The following SLC4A4 variants were observed in gnomAD, a reference collection of about 807,000 sequenced individuals.
The protein encoded by SLC4A4 is electrogenic sodium bicarbonate cotransporter 1.
SLC4A4 carries 27 observed loss-of-function variants against 111.5 expected under a neutral mutation model. The observed-to-expected ratio is 0.24, with a 90% confidence interval of 0.18 to 0.33. The LOEUF (loss-of-function observed/expected upper bound fraction) is 0.33. SLC4A4 is among the 10% of genes least tolerant of loss of function. The probability of loss-of-function intolerance (pLI) is 1.00; values close to 1 mark genes in which losing one functional copy is unlikely to be tolerated. For missense variants in SLC4A4, 909 were observed against 1,315.5 expected, an observed-to-expected ratio of 0.69 and a Z score of 4.78; for synonymous variants, 443 against 463.4, an observed-to-expected ratio of 0.96 and a Z score of 0.57.
chr4:71,081,862 G>T (rs1052654977), intron 1 of SLC4A4, among the ~76,000 whole-genome samples: 1 of 152,026 alleles, frequency 6.6e-6, no homozygotes, highest in Non-Finnish European at 1.5e-5. Flanking sequence ...TGGTGGGAAG[G>T]CTTGTGCCCC....
intron 4 of SLC4A4, among the ~76,000 whole-genome samples, chr4:71,348,589 G>A (rs967210167): frequency 7.2e-5 from 11 of 152,140 alleles, no homozygotes; most frequent in African/African-American, 2.4e-4. Flanking sequence ...GAGTTGCCTG[G>A]CTGTGAGAGC....
intron 20 of SLC4A4, among the ~76,000 whole-genome samples, chr4:71,553,775 TAA>T (rs1736239157): frequency 6.6e-6 from 1 of 151,838 alleles, no homozygotes; most frequent in African/African-American, 2.4e-5. Flanking sequence ...GTGTCAGAAA[TAA>T]AGAGGCTTGA....
chr4:71,340,912 G>T lies in SLC4A4; in HGVS notation c.389+1407G>T, dbSNP rs75991950. 8.1e-3 allele frequency among the ~76,000 whole-genome samples: 1,233 copies of T among 151,990 alleles called. 8 individuals carry two copies. Among genetic ancestry groups the T allele is most frequent in the Middle Eastern group, 0.024 (7 of 294 alleles). Reference sequence around the variant, plus strand: ...TGTTAAGCATTACACAAATACCTGGGGTTTCATTAATCTCATAACAGAGCT... The same window carrying T: ...TGTTAAGCATTACACAAATACCTGGTGTTTCATTAATCTCATAACAGAGCT... On this transcript the variant is annotated intron_variant, in intron 4 of 25. Transcript: ENST00000264485.
At chr4:71,539,974 T>C (rs1734896915) in intron 18 of SLC4A4, among the ~76,000 whole-genome samples, 1 of 152,208 alleles carries the variant, frequency 6.6e-6, no homozygotes, top group South Asian at 2.1e-4. Context: ...AAGCCCTGTT[T>C]AGATGTCATC....
At chr4:71,283,487 T>G (rs1723684303) in intron 3 of SLC4A4, among the ~76,000 whole-genome samples, 1 of 152,164 alleles carries the variant, frequency 6.6e-6, no homozygotes, top group South Asian at 2.1e-4. Flanking sequence ...CAACAGAATC[T>G]TGGCAGGATA....
chr4:71,451,363 A>G (rs974594390), intron 11 of SLC4A4, 62 bp downstream of exon 11: 7 of 1,028,272 alleles, frequency 6.8e-6, no homozygotes, highest in Non-Finnish European at 1.1e-5. Context: ...ATTTCCCTTC[A>G]TCTATCAACA....
chr4:71,485,643 AACAGTTTT>A (rs1729309500), intron 14 of SLC4A4, among the ~76,000 whole-genome samples: 1 of 151,586 alleles, frequency 6.6e-6, no homozygotes, highest in East Asian at 1.9e-4. Context: ...GCTTTAGTTT[AACAGTTTT>A]ACAATCTAAA....
At chr4:71,451,966 T>TTA (rs1181423373) in intron 11 of SLC4A4, among the ~76,000 whole-genome samples, 1 of 152,230 alleles carries the variant, frequency 6.6e-6, no homozygotes, top group Non-Finnish European at 1.5e-5. Flanking sequence ...TTTCCTAAAT[T>TTA]GCTTCAGCTA....
chr4:71,384,893 G>A (rs929138621), intron 6 of SLC4A4, among the ~76,000 whole-genome samples: 5 of 151,628 alleles, frequency 3.3e-5, no homozygotes, highest in African/African-American at 1.2e-4. Flanking sequence ...TAGGGGGTTA[G>A]GGGAGGGATA....
chr4:71,233,769 C>T (rs1351180133), intron 1 of SLC4A4, among the ~76,000 whole-genome samples: 1 of 152,138 alleles, frequency 6.6e-6, no homozygotes, highest in Non-Finnish European at 1.5e-5. Context: ...CCATAGCCTT[C>T]CCCTGGCTCC....
chr4:71,146,134 T>A (rs1193172122), intron 2 of SLC4A4, among the ~76,000 whole-genome samples: 1 of 152,214 alleles, frequency 6.6e-6, no homozygotes, highest in African/African-American at 2.4e-5. Context: ...TCCCAGAGAT[T>A]CTGGTATGTT....
At chr4:71,230,959 C>G (rs1719384352) in intron 1 of SLC4A4, among the ~76,000 whole-genome samples, 1 of 152,234 alleles carries the variant, frequency 6.6e-6, no homozygotes. Context: ...AAGCAGCAGG[C>G]TTTTTGCTAC....
chr4:71,550,706 G>A (rs1404081870), intron 20 of SLC4A4, among the ~76,000 whole-genome samples: 2 of 151,862 alleles, frequency 1.3e-5, no homozygotes, highest in African/African-American at 4.8e-5. Context: ...CACCATTTCT[G>A]CAAACTCCAT....
chr4:71,151,257 A>C (rs7689135), intron 2 of SLC4A4, among the ~76,000 whole-genome samples: 2 of 152,110 alleles, frequency 1.3e-5, no homozygotes, highest in African/African-American at 4.8e-5. Context: ...TGTGTGTTTA[A>C]CTTAAACATG....
Position 71,262,806 on chromosome 4 carries a change from G to A in SLC4A4, c.253+7407G>A, listed in dbSNP as rs562579324. Among the ~76,000 whole-genome samples, 16 of 150,564 alleles carry A rather than the reference G, an allele frequency of 1.1e-4. 1 individual carries two copies. Among genetic ancestry groups the A allele is most frequent in the African/African-American group, 3.7e-4 (15 of 41,004 alleles). Reference sequence around the variant, plus strand: ...ACAGTATTTATTCCCCTTTCCCCCCGGGTGTCATTTCTTTGGGAATAGAAA... The same window carrying A: ...ACAGTATTTATTCCCCTTTCCCCCCAGGTGTCATTTCTTTGGGAATAGAAA... On this transcript the variant is annotated intron_variant, in intron 3 of 25. Coordinates refer to ENST00000264485, the MANE Select transcript of SLC4A4 (RefSeq NM_001098484.3).
chr4:71,493,728 T>G (rs983291604), intron 15 of SLC4A4, among the ~76,000 whole-genome samples: 3 of 126,372 alleles, frequency 2.4e-5, no homozygotes, highest in African/African-American at 7.7e-5. Flanking sequence ...GCATTTCCCA[T>G]CAATCTCTTT....
intron 5 of SLC4A4, among the ~76,000 whole-genome samples, chr4:71,352,142 A>T (rs1729898546): frequency 6.6e-6 from 1 of 152,238 alleles, no homozygotes; most frequent in Non-Finnish European, 1.5e-5. Context: ...CCAGAAAAGT[A>T]TAATGATTGG....
chr4:71,551,688 A>G (rs1332592483), intron 20 of SLC4A4, among the ~76,000 whole-genome samples: 1 of 151,902 alleles, frequency 6.6e-6, no homozygotes, highest in African/African-American at 2.4e-5. Context: ...ACTTGCTCTC[A>G]AAGAACTCAT....
At chr4:71,283,712 A>G (rs963747708) in intron 3 of SLC4A4, among the ~76,000 whole-genome samples, 4 of 152,222 alleles carry the variant, frequency 2.6e-5, no homozygotes, top group African/African-American at 9.6e-5. Context: ...AGACCAAATC[A>G]GATTGTGTAT....
Sources: allele counts gnomAD v4.1 joint callset (sites outside exome capture counted in the v4.1 genomes callset), GRCh38; gene constraint gnomAD v4.1.1; transcripts MANE v1.5; gene names NCBI Gene and HGNC (gene_info 2026-07-23, HGNC 2026-07-21).